The following ZNF804B variants were observed in gnomAD, a reference collection of about 807,000 sequenced individuals.
ZNF804B encodes the protein zinc finger 804B.
ZNF804B carries 80 observed loss-of-function variants against 101.4 expected under a neutral mutation model. That is an observed-to-expected ratio of 0.79 (90% confidence interval 0.66 to 0.95). The LOEUF is 0.95. ZNF804B is among the 40% of genes least tolerant of loss of function. ZNF804B has a pLI of 0.00. For missense variants in ZNF804B, 1,673 were observed against 1,561.9 expected, an observed-to-expected ratio of 1.07 and a Z score of -1.20; for synonymous variants, 622 against 558.8, an observed-to-expected ratio of 1.11 and a Z score of -1.59.
intron 1 of ZNF804B, among the ~76,000 whole-genome samples, chr7:89,141,852 C>A: frequency 6.7e-6 from 1 of 149,660 alleles, no homozygotes. Flanking sequence ...TCCAAAAGCT[C>A]CTGAAATAAT....
rs183867864 is a variant in ZNF804B at position 88,924,125 on chromosome 7, C to A, written c.108+164041C>A. On this transcript the variant is annotated intron_variant, in intron 1 of 3. Coordinates refer to ENST00000333190, the MANE Select transcript of ZNF804B (RefSeq NM_181646.5). ...ATGTATGTGTTTTTTAAAAATATTA[C>A]TGTATTACCTTCATAAATGGCTGTA... Among the ~76,000 whole-genome samples, 294 of 152,168 alleles carry A rather than the reference C, an allele frequency of 1.9e-3. 2 individuals carry two copies. Among genetic ancestry groups the A allele is most frequent in the Non-Finnish European group, 3.0e-3 (205 of 67,972 alleles).
intron 1 of ZNF804B, among the ~76,000 whole-genome samples, chr7:88,980,740 T>C (rs541579775): frequency 4.6e-5 from 7 of 152,008 alleles, no homozygotes; most frequent in East Asian, 2.0e-4. Context: ...GCCATCACCA[T>C]TGGGACTGTG....
At chr7:89,113,986 G>A (rs1470893340) in intron 1 of ZNF804B, among the ~76,000 whole-genome samples, 1 of 151,792 alleles carries the variant, frequency 6.6e-6, no homozygotes, top group African/African-American at 2.4e-5. Flanking sequence ...TCCAGGGATA[G>A]GTGCAAGAAT....
chr7:88,798,611 A>G (rs1440352351), intron 1 of ZNF804B, among the ~76,000 whole-genome samples: 2 of 152,044 alleles, frequency 1.3e-5, no homozygotes, highest in African/African-American at 4.8e-5. Context: ...TTTTAGCTTC[A>G]TTGTCACATG....
chr7:89,314,536 T>C (rs1242865661), intron 2 of ZNF804B, among the ~76,000 whole-genome samples: 1 of 152,220 alleles, frequency 6.6e-6, no homozygotes, highest in Non-Finnish European at 1.5e-5. Flanking sequence ...CCATTCCTTA[T>C]ATTTTAACAT....
chr7:89,157,068 C>A (rs901972143), intron 1 of ZNF804B, among the ~76,000 whole-genome samples: 1 of 152,046 alleles, frequency 6.6e-6, no homozygotes, highest in East Asian at 1.9e-4. Context: ...GTAAGAAAAT[C>A]TTTTTTGGTA....
intron 1 of ZNF804B, among the ~76,000 whole-genome samples, chr7:88,868,944 G>C (rs143227749): frequency 0.01 from 1,535 of 152,300 alleles, 19 homozygotes; most frequent in Middle Eastern, 0.024. Context: ...TTTATTTTTA[G>C]TGGAGTGAGA....
At chr7:89,160,030 A>G (rs781767756) in intron 1 of ZNF804B, among the ~76,000 whole-genome samples, 11 of 152,184 alleles carry the variant, frequency 7.2e-5, no homozygotes, top group Non-Finnish European at 1.0e-4. Flanking sequence ...TGCAGCATTT[A>G]TATCTACTCA....
intron 1 of ZNF804B, among the ~76,000 whole-genome samples, chr7:88,930,387 A>G (rs906132608): frequency 1.3e-5 from 2 of 152,118 alleles, no homozygotes; most frequent in Admixed American, 6.6e-5. Context: ...AACCTCCAAC[A>G]ATTTAAAAGG....
At chr7:89,321,840 A>G (rs1431928341) in intron 2 of ZNF804B, among the ~76,000 whole-genome samples, 1 of 152,196 alleles carries the variant, frequency 6.6e-6, no homozygotes, top group African/African-American at 2.4e-5. Flanking sequence ...AATCTGTTTT[A>G]AATTAAATGA....
intron 2 of ZNF804B, among the ~76,000 whole-genome samples, chr7:89,321,034 C>T (rs1790810907): frequency 6.6e-6 from 1 of 151,974 alleles, no homozygotes; most frequent in Admixed American, 6.6e-5. Context: ...TTTTTGAATG[C>T]ATCAAGTAAA....
chr7:89,172,496 A>G (rs1193632725), intron 1 of ZNF804B, among the ~76,000 whole-genome samples: 2 of 152,158 alleles, frequency 1.3e-5, no homozygotes, highest in South Asian at 2.1e-4. Flanking sequence ...CTTCTCGCCT[A>G]TGAAATTATT....
chr7:88,765,273 T>C (rs933978608), intron 1 of ZNF804B, among the ~76,000 whole-genome samples: 4 of 152,140 alleles, frequency 2.6e-5, no homozygotes, highest in Non-Finnish European at 5.9e-5. Context: ...TTCTGCTCCA[T>C]AATTTGGAAC....
intron 1 of ZNF804B, among the ~76,000 whole-genome samples, chr7:88,900,611 T>A (rs956871750): frequency 6.7e-6 from 1 of 148,440 alleles, no homozygotes. Flanking sequence ...GAAAAAAAAA[T>A]CTCTTTATTA....
intron 1 of ZNF804B, among the ~76,000 whole-genome samples, chr7:89,039,098 A>G (rs919059304): frequency 6.6e-5 from 10 of 152,114 alleles, no homozygotes; most frequent in African/African-American, 2.4e-4. Context: ...AAAATAAGGT[A>G]CTATGATGCC....
chr7:89,027,901 T>G (rs1788775403), intron 1 of ZNF804B, among the ~76,000 whole-genome samples: 1 of 152,138 alleles, frequency 6.6e-6, no homozygotes, highest in African/African-American at 2.4e-5. Context: ...TGGGTAAAAT[T>G]AGGCAGTTGG....
chr7:89,318,677 T>C (rs567793301), intron 2 of ZNF804B, among the ~76,000 whole-genome samples: 2 of 152,260 alleles, frequency 1.3e-5, no homozygotes, highest in Admixed American at 1.3e-4. Flanking sequence ...GCAGGAGAAT[T>C]GCTTGAACTC....
chr7:89,085,489 G>T (rs1319044463), intron 1 of ZNF804B, among the ~76,000 whole-genome samples: 2 of 151,800 alleles, frequency 1.3e-5, no homozygotes, highest in Admixed American at 6.6e-5. Flanking sequence ...CCCCAAGTCT[G>T]CTATGTTCAC....
intron 1 of ZNF804B, among the ~76,000 whole-genome samples, chr7:88,986,766 CT>C (rs979662406): frequency 2.6e-5 from 4 of 152,134 alleles, no homozygotes; most frequent in African/African-American, 7.2e-5. Flanking sequence ...TGTGTATCTT[CT>C]TTCCTATTCC....
Sources: allele counts gnomAD v4.1 joint callset (sites outside exome capture counted in the v4.1 genomes callset), GRCh38; gene constraint gnomAD v4.1.1; transcripts MANE v1.5; gene names NCBI Gene and HGNC (gene_info 2026-07-23, HGNC 2026-07-21).